Variants in MAST4 observed in about 807,000 individuals in gnomAD.
The protein encoded by MAST4 is microtubule associated serine/threonine kinase family member 4.
MAST4 carries 89 observed loss-of-function variants against 162.7 expected under a neutral mutation model. The observed-to-expected ratio is 0.55, with a 90% CI of 0.46 to 0.65. The LOEUF is 0.65. MAST4 is among the 30% of genes least tolerant of loss of function. The pLI, the probability that MAST4 is intolerant of heterozygous loss-of-function variation, is 0.00. For missense variants in MAST4, 3,153 were observed against 3,374.0 expected, an observed-to-expected ratio of 0.93 and a Z score of 1.62; for synonymous variants, 1,479 against 1,361.1, an observed-to-expected ratio of 1.09 and a Z score of -1.91.
At chr5:66,921,885 ATCT>A (rs1764564565) in intron 4 of MAST4, among the ~76,000 whole-genome samples, 1 of 152,244 alleles carries the variant, frequency 6.6e-6, no homozygotes, top group African/African-American at 2.4e-5. Flanking sequence ...AAATAATATT[ATCT>A]TCTTGTGAAA....
intron 1 of MAST4, among the ~76,000 whole-genome samples, chr5:66,750,714 G>C (rs530573559): frequency 6.6e-6 from 1 of 152,332 alleles, no homozygotes; most frequent in South Asian, 2.1e-4. Flanking sequence ...TAGCGAGGCT[G>C]GGGGAGGGGC....
intron 1 of MAST4, among the ~76,000 whole-genome samples, chr5:66,704,789 A>G (rs1169047997): frequency 6.6e-6 from 1 of 151,230 alleles, no homozygotes; most frequent in Non-Finnish European, 1.5e-5. Flanking sequence ...CGTGTCTTCC[A>G]CTCTTAAAAG....
chr5:66,778,855 A>G (rs1754721489), intron 2 of MAST4, among the ~76,000 whole-genome samples: 1 of 152,140 alleles, frequency 6.6e-6, no homozygotes, highest in African/African-American at 2.4e-5. Flanking sequence ...TGATTTCTGT[A>G]TTGTAGACAT....
At chr5:67,073,229 C>G (rs534088185) in intron 5 of MAST4, among the ~76,000 whole-genome samples, 14 of 152,316 alleles carry the variant, frequency 9.2e-5, no homozygotes, top group African/African-American at 3.4e-4. Context: ...TGCTCCTGTT[C>G]TCTGGGTTGC....
intron 1 of MAST4, among the ~76,000 whole-genome samples, chr5:66,650,803 T>C (rs1030122005): frequency 6.6e-6 from 1 of 152,196 alleles, no homozygotes; most frequent in Admixed American, 6.5e-5. Flanking sequence ...TACATCAGTA[T>C]TCTAATACAT....
chr5:66,854,139 AC>A (rs1759508385), intron 3 of MAST4, among the ~76,000 whole-genome samples: 1 of 152,104 alleles, frequency 6.6e-6, no homozygotes, highest in African/African-American at 2.4e-5. Flanking sequence ...GCAGGTGTAA[AC>A]CACTGCCCCC....
chr5:67,119,461 G>A (rs1767317740), intron 13 of MAST4, among the ~76,000 whole-genome samples: 1 of 152,134 alleles, frequency 6.6e-6, no homozygotes, highest in African/African-American at 2.4e-5. Context: ...GTGTAGCCTG[G>A]GGGATAAGAA....
At chr5:67,051,411 AT>A (rs1219394231) in intron 4 of MAST4, among the ~76,000 whole-genome samples, 1 of 152,108 alleles carries the variant, frequency 6.6e-6, no homozygotes, top group Non-Finnish European at 1.5e-5. Flanking sequence ...TCAGCTCAGC[AT>A]TTTGCACCAA....
chr5:66,631,971 T>C (rs1327037823), intron 1 of MAST4, among the ~76,000 whole-genome samples: 1 of 152,236 alleles, frequency 6.6e-6, no homozygotes, highest in Non-Finnish European at 1.5e-5. Context: ...CTACAAGTTA[T>C]GCTCTGTTGT....
chr5:66,643,459 T>TA (rs35131007), intron 1 of MAST4, among the ~76,000 whole-genome samples: 116,270 of 152,112 alleles, frequency 0.76, 45,644 homozygotes, highest in African/African-American at 0.93. Context: ...CAAAAAGAAT[T>TA]AAAAGAGCCA....
chr5:66,623,805 G>C (rs1561220278), intron 1 of MAST4, among the ~76,000 whole-genome samples: 1 of 152,192 alleles, frequency 6.6e-6, no homozygotes, highest in Non-Finnish European at 1.5e-5. Context: ...ATTCAAATTG[G>C]AAGGGAAGAG....
rs765157683 is a variant in MAST4 at position 67,130,213 on chromosome 5, A to G, written c.1749A>G (p.Ala583=). 6 of 1,611,192 alleles carry G rather than the reference A, an allele frequency of 3.7e-6. No homozygotes were observed. Among genetic ancestry groups the G allele is most frequent in the Non-Finnish European group, 4.2e-6 (5 of 1,178,420 alleles). ...CAATACTTCTGCTCCTTTTCAGGGC[A>G]GTCTACTTTGTTCGGCATAAAGAAT... is the stretch of plus-strand genomic sequence containing the variant. The part of the protein sequence containing the change: ...IKLISNGAYG[A]VYFVRHKESR... Residue 583 remains alanine (A), a synonymous_variant, in exon 15 of 29, where the codon GCA becomes GCG. Coordinates refer to ENST00000403625, the MANE Select transcript of MAST4 (RefSeq NM_001164664.2).
intron 1 of MAST4, among the ~76,000 whole-genome samples, chr5:66,680,441 G>T (rs1748255659): frequency 6.6e-6 from 1 of 152,116 alleles, no homozygotes; most frequent in South Asian, 2.1e-4. Context: ...CTCTGTGTCT[G>T]CTGCCAGTGC....
intron 1 of MAST4, among the ~76,000 whole-genome samples, chr5:66,750,492 A>G (rs902732226): frequency 1.3e-5 from 2 of 152,242 alleles, no homozygotes; most frequent in African/African-American, 4.8e-5. Flanking sequence ...GGGAAGCGCA[A>G]GGGGTCAGGG....
intron 1 of MAST4, among the ~76,000 whole-genome samples, chr5:66,616,826 G>A (rs1743724625): frequency 6.6e-6 from 1 of 152,188 alleles, no homozygotes; most frequent in Non-Finnish European, 1.5e-5. Context: ...TAAATAATAA[G>A]TACTGCCCCT....
At chr5:67,147,964 G>T (rs546363921) in intron 23 of MAST4, among the ~76,000 whole-genome samples, 1 of 152,182 alleles carries the variant, frequency 6.6e-6, no homozygotes, top group Non-Finnish European at 1.5e-5. Flanking sequence ...TGCTGTCCAA[G>T]TTCCCAGCTA....
At chr5:66,962,016 A>AT (rs1259442782) in intron 4 of MAST4, among the ~76,000 whole-genome samples, 1 of 152,208 alleles carries the variant, frequency 6.6e-6, no homozygotes, top group Non-Finnish European at 1.5e-5. Context: ...TTGAGCAATA[A>AT]TTTAATATTT....
At position 66,788,802 on chromosome 5, in the gene MAST4, T is replaced by C. The variant is rs746906052; in HGVS notation, c.642+8T>C. 4 of 1,555,958 alleles carry C rather than the reference T, an allele frequency of 2.6e-6. No individual in the cohort carries two copies. Among genetic ancestry groups the C allele is most frequent in the Non-Finnish European group, 2.6e-6 (3 of 1,153,986 alleles). ...TCGCTCACCGCCAGCCTGGTGAGTG[T>C]CCGCGGGCGCCGGTGGAGGCTGCTC... On this transcript the variant is annotated splice_region_variant and intron_variant, in intron 3 of 28. Coordinates refer to ENST00000403625, the MANE Select transcript of MAST4 (RefSeq NM_001164664.2).
intron 1 of MAST4, among the ~76,000 whole-genome samples, chr5:66,608,308 G>T (rs1007719535): frequency 7.3e-4 from 103 of 140,538 alleles, no homozygotes; most frequent in African/African-American, 2.7e-3. Context: ...CACCTGCCTT[G>T]GTCTCCCAAA....
Sources: allele counts gnomAD v4.1 joint callset (sites outside exome capture counted in the v4.1 genomes callset), GRCh38; gene constraint gnomAD v4.1.1; transcripts MANE v1.5; gene names NCBI Gene and HGNC (gene_info 2026-07-23, HGNC 2026-07-21).